The following PMS1 variants were observed in gnomAD, a reference collection of about 807,000 sequenced individuals.
PMS1 encodes PMS1 homolog 1, mismatch repair system component.
In PMS1, 79 loss-of-function variants were observed where a neutral mutation model predicts 93.1. The ratio of observed to expected loss-of-function variants is 0.85; its 90% CI spans 0.71 to 1.02. The LOEUF is 1.02. Among genes scored for constraint, PMS1 ranks in the 50% least tolerant of loss-of-function variants. PMS1 has a pLI of 0.00. For missense variants in PMS1, 1,064 were observed against 1,085.3 expected (o/e 0.98, Z 0.28); for synonymous variants, 335 against 363.4 (o/e 0.92, Z 0.89).
intron 5 of PMS1, among the ~76,000 whole-genome samples, chr2:189,830,798 A>T (rs1374301193): frequency 6.6e-6 from 1 of 152,256 alleles, no homozygotes; most frequent in African/African-American, 2.4e-5. Context: ...AGCACCTGAG[A>T]TCCAGAAGCA....
At chr2:189,875,029 A>T (rs1310048118) in intron 12 of PMS1, among the ~76,000 whole-genome samples, 1 of 151,890 alleles carries the variant, frequency 6.6e-6, no homozygotes, top group African/African-American at 2.4e-5. Context: ...AAAATGGGCT[A>T]GGAAAAAAAA....
chr2:189,808,610 C>T (rs1027352089), intron 4 of PMS1, among the ~76,000 whole-genome samples: 1 of 152,204 alleles, frequency 6.6e-6, no homozygotes, highest in Middle Eastern at 3.4e-3. Flanking sequence ...GGATTATAGG[C>T]GTGAGCCACT....
chr2:189,822,950 G>T (rs1406015472), intron 5 of PMS1, among the ~76,000 whole-genome samples: 1 of 152,124 alleles, frequency 6.6e-6, no homozygotes, highest in Non-Finnish European at 1.5e-5. Context: ...ATAAATAGTA[G>T]ACTGAGAAAA....
At chr2:189,852,858 C>T (rs554727475) in intron 7 of PMS1, 81 bp downstream of exon 7, 1 of 876,972 alleles carries the variant, frequency 1.1e-6, no homozygotes, top group East Asian at 2.5e-5. Flanking sequence ...AGAATTTGCT[C>T]TAAAATAAAA....
At chr2:189,849,410 T>A (rs2054511232) in intron 6 of PMS1, among the ~76,000 whole-genome samples, 1 of 152,216 alleles carries the variant, frequency 6.6e-6, no homozygotes, top group African/African-American at 2.4e-5. Context: ...TAAACTTGAT[T>A]TATAGCTACC....
intron 3 of PMS1, among the ~76,000 whole-genome samples, chr2:189,797,054 AGGTTGGT>A (rs1410487811): frequency 6.6e-6 from 1 of 152,200 alleles, no homozygotes; most frequent in Non-Finnish European, 1.5e-5. Context: ...TAAATCTCTA[AGGTTGGT>A]GGTTTATATA....
At chr2:189,844,169 G>T in intron 6 of PMS1, 89 bp downstream of exon 6, 1 of 1,593,524 alleles carries the variant, frequency 6.3e-7, no homozygotes, top group South Asian at 1.1e-5. Context: ...GTGGCAAGAG[G>T]TTAGTCTTTT....
At chr2:189,844,661 A>AAAAAC (rs1439762193) in intron 6 of PMS1, among the ~76,000 whole-genome samples, 1 of 151,064 alleles carries the variant, frequency 6.6e-6, no homozygotes, top group African/African-American at 2.4e-5. Context: ...AAAAAAAAAA[A>AAAAAC]AACTGTTTTC....
intron 3 of PMS1, among the ~76,000 whole-genome samples, chr2:189,798,100 G>T (rs1351634323): frequency 6.6e-6 from 1 of 152,208 alleles, no homozygotes; most frequent in Non-Finnish European, 1.5e-5. Flanking sequence ...GAGAGGATCT[G>T]TTGTTTATCC....
Position 189,854,036 on chromosome 2 carries a change from A to G in PMS1, c.920A>G (p.Asp307Gly). The change falls in exon 8 of 13, where the codon GAT (aspartate) becomes GGT (glycine). Residue 307 changes from aspartate (D) to glycine (G), a missense_variant. Asp to Gly is a moderately conservative substitution (Grantham distance 94, BLOSUM62 -1). Coordinates refer to ENST00000441310, the MANE Select transcript of PMS1 (RefSeq NM_000534.5). ...LKIDVPTADV[D>G]VNLTPDKSQV... ...ATCGATGTTCCTACAGCTGATGTTG[A>G]TGTAAATTTAACACCAGATAAAAGC... 6.2e-7 allele frequency: 1 copy of G among 1,604,688 alleles called. No individual in the cohort carries two copies. The highest frequency in any genetic ancestry group is 8.5e-7 in the Non-Finnish European group (1 of 1,175,026).
In PMS1 at chr2:189,843,964, G is replaced by A; in HGVS notation, c.583G>A (p.Ala195Thr). 6.2e-7 allele frequency: 1 copy of A among 1,612,298 alleles called. No homozygotes were observed. The highest frequency in any genetic ancestry group is 8.5e-7 in the Non-Finnish European group (1 of 1,178,518). ...TTATCTATATCATTTTTGTCCCTAG[G>A]CAGTTATTTGGCAGAAAAGCAGAGT... is the stretch of plus-strand genomic sequence containing the variant. ...DLRIVFVHNK[A>T]VIWQKSRVSD... The change falls in exon 6 of 13, where the codon GCA becomes ACA. Residue 195 changes from alanine to threonine, a missense_variant and splice_region_variant. Transcript: ENST00000441310.
chr2:189,841,522 T>C (rs578059283), intron 5 of PMS1, among the ~76,000 whole-genome samples: 1 of 152,068 alleles, frequency 6.6e-6, no homozygotes, highest in East Asian at 1.9e-4. Context: ...TCCAGGAGAG[T>C]GCATTCCTTC....
At chr2:189,813,380 C>T (rs187861822) in intron 4 of PMS1, among the ~76,000 whole-genome samples, 1 of 152,298 alleles carries the variant, frequency 6.6e-6, no homozygotes, top group East Asian at 1.9e-4. Context: ...GTCTATAAAA[C>T]TTAAAAGAGT....
intron 5 of PMS1, among the ~76,000 whole-genome samples, chr2:189,821,330 C>G (rs914459336): frequency 2.6e-5 from 4 of 151,840 alleles, no homozygotes; most frequent in Admixed American, 6.6e-5. Flanking sequence ...TGGCATGCGC[C>G]TGTAGTCCCA....
chr2:189,840,396 A>G (rs1322200768), intron 5 of PMS1, among the ~76,000 whole-genome samples: 2 of 152,242 alleles, frequency 1.3e-5, no homozygotes, highest in Non-Finnish European at 1.5e-5. Flanking sequence ...GATTGGTACA[A>G]GAGTAGGTTA....
intron 5 of PMS1, among the ~76,000 whole-genome samples, chr2:189,819,143 G>C (rs1459442973): frequency 1.3e-5 from 2 of 152,134 alleles, no homozygotes; most frequent in Non-Finnish European, 2.9e-5. Flanking sequence ...AAAACATGCA[G>C]TATTTGTCTT....
intron 1 of PMS1, among the ~76,000 whole-genome samples, chr2:189,785,831 G>A (rs535586763): frequency 5.9e-4 from 90 of 152,250 alleles, no homozygotes; most frequent in African/African-American, 2.0e-3. Flanking sequence ...ACCATGTTAA[G>A]AGAGACAAGT....
chr2:189,857,857 C>T (rs2055517966), intron 9 of PMS1, among the ~76,000 whole-genome samples: 1 of 152,042 alleles, frequency 6.6e-6, no homozygotes, highest in South Asian at 2.1e-4. Flanking sequence ...ACAGGTAATG[C>T]TTCCCTGCAT....
intron 6 of PMS1, among the ~76,000 whole-genome samples, chr2:189,846,907 GC>G (rs1328073204): frequency 6.7e-6 from 1 of 150,076 alleles, no homozygotes; most frequent in Non-Finnish European, 1.5e-5. Flanking sequence ...TGTCACCCAG[GC>G]TGAAGTGCAG....
Sources: gnomAD v4.1 joint callset for allele counts (sites outside exome capture counted in the v4.1 genomes callset) on GRCh38, gnomAD v4.1.1 for gene constraint, MANE v1.5 for transcripts, NCBI Gene and HGNC (gene_info 2026-07-23, HGNC 2026-07-21) for gene names.